FSD2: variants seen among roughly 807,000 people sequenced by gnomAD.
The protein encoded by FSD2 is fibronectin type III and SPRY domain containing 2.
A neutral mutation model predicts 80.4 loss-of-function variants in FSD2; 71 were observed. That is an observed-to-expected ratio of 0.88 (90% CI 0.73 to 1.08). FSD2 has a LOEUF of 1.08. Among genes scored for constraint, FSD2 ranks in the 50% least tolerant of loss-of-function variants. FSD2 has a pLI of 0.00. For missense variants in FSD2, 923 were observed against 913.8 expected, an observed-to-expected ratio of 1.01 and a Z score of -0.13; for synonymous variants, 361 against 329.5, an observed-to-expected ratio of 1.10 and a Z score of -1.03.
chr15:82,782,892 C>G lies in FSD2; in HGVS notation c.869G>C (p.Gly290Ala). ...KKKEKLEALY[G>A]QLVSCGENLD... ...GTTTTCTCCACAGCTGACCAGTTGT[C>G]CATATAAGGCTTCCAGCTTCTCTTT... Residue 290 changes from glycine to alanine, a missense_variant, in exon 4 of 13, where the codon GGA (glycine) becomes GCA (alanine). Gly to Ala is a moderately conservative substitution (Grantham distance 60). Coordinates refer to ENST00000334574, the MANE Select transcript of FSD2 (RefSeq NM_001007122.4). 9 of 1,613,896 alleles carry G rather than the reference C, an allele frequency of 5.6e-6. No individual in the cohort carries two copies. The highest frequency in any genetic ancestry group is 7.6e-6 in the Non-Finnish European group (9 of 1,179,796).
chr15:82,801,169 CT>C (rs1293302649), intron 1 of FSD2, among the ~76,000 whole-genome samples: 4 of 152,152 alleles, frequency 2.6e-5, no homozygotes, highest in African/African-American at 9.7e-5. Flanking sequence ...GATTCCTATC[CT>C]GGGAGATTAC....
chr15:82,765,936 G>A lies in FSD2; in HGVS notation c.1649C>T (p.Pro550Leu), dbSNP rs1354980952. The A allele has an allele frequency of 1.2e-6, 2 of 1,610,014 alleles. No homozygotes were observed. Among genetic ancestry groups the A allele is most frequent in the Middle Eastern group, 1.8e-4 (1 of 5,530 alleles). Residue 550 changes from proline to leucine, a missense_variant, in exon 10 of 13, where the codon CCC (proline) becomes CTC (leucine). Physicochemically the swap from Pro to Leu is moderately conservative, Grantham distance 98 (BLOSUM62 -3). Transcript: ENST00000334574. ...IYVRALNMGGPSVRSEPATVH... is the reference protein window; with the variant it reads ...IYVRALNMGGLSVRSEPATVH... ...TGTAGCTGGCTCGCTCCTCACGCTGGGGCCCCCCATATTGAGGGCTCGCAC... is the reference window on the plus strand; with the variant it reads ...TGTAGCTGGCTCGCTCCTCACGCTGAGGCCCCCCATATTGAGGGCTCGCAC...
intron 1 of FSD2, chr15:82,796,217 G>T (rs886441385): frequency 6.5e-6 from 1 of 153,538 alleles, no homozygotes; most frequent in African/African-American, 2.4e-5. Flanking sequence ...TGTCCAGGCT[G>T]GTCTCAAACT....
At chr15:82,791,229 AC>A (rs1343367328) in intron 1 of FSD2, among the ~76,000 whole-genome samples, 11 of 151,776 alleles carry the variant, frequency 7.2e-5, no homozygotes, top group African/African-American at 2.4e-4. Context: ...CGATCTCCTG[AC>A]CTTGTGGTCC....
In FSD2 at chr15:82,772,177, G is replaced by A; in HGVS notation, c.1163C>T (p.Ser388Phe). Reference protein sequence around the residue: ...NPQVPNSATGSSVRVCWSLYS... With the variant: ...NPQVPNSATGFSVRVCWSLYS... ...TAAGCTCCAGCACACTCGGACTGAG[G>A]AACCTGTGGCTGAGTTAGGGACCTG... is the stretch of plus-strand genomic sequence containing the variant. The change falls in exon 7 of 13, where the codon TCC (serine) becomes TTC (phenylalanine). Residue 388 changes from serine to phenylalanine, a missense_variant. Ser to Phe is a radical substitution (Grantham distance 155, BLOSUM62 -2). Transcript: ENST00000334574. The A allele has an allele frequency of 6.2e-7, 1 of 1,612,774 alleles. No homozygotes were observed. Among genetic ancestry groups the A allele is most frequent in the South Asian group, 1.1e-5 (1 of 90,630 alleles).
intron 11 of FSD2, among the ~76,000 whole-genome samples, chr15:82,763,169 T>C (rs1308654548): frequency 6.6e-6 from 1 of 152,158 alleles, no homozygotes; most frequent in Non-Finnish European, 1.5e-5. Flanking sequence ...ATTCAGAATG[T>C]CCCAAATGGA....
intron 1 of FSD2, among the ~76,000 whole-genome samples, chr15:82,793,289 C>T (rs576123123): frequency 1.3e-4 from 19 of 151,566 alleles, no homozygotes; most frequent in Admixed American, 7.9e-4. Context: ...TTAGTAGAGA[C>T]GGGGTTTCAC....
intron 4 of FSD2, among the ~76,000 whole-genome samples, chr15:82,782,109 C>T (rs1177388475): frequency 2.3e-5 from 2 of 86,008 alleles, no homozygotes; most frequent in Non-Finnish European, 4.8e-5. Flanking sequence ...AATAATAAAA[C>T]TCTTGGCCGG....
chr15:82,785,577 G>T (rs1379909298), intron 3 of FSD2, among the ~76,000 whole-genome samples: 2 of 152,084 alleles, frequency 1.3e-5, no homozygotes, highest in Non-Finnish European at 2.9e-5. Flanking sequence ...ACCCGCCTTG[G>T]CCTCCCAAAG....
chr15:82,784,994 A>G (rs2049960869), intron 3 of FSD2, among the ~76,000 whole-genome samples: 1 of 152,170 alleles, frequency 6.6e-6, no homozygotes, highest in Non-Finnish European at 1.5e-5. Context: ...GGAAAAGAAC[A>G]CTTACCAAAA....
chr15:82,777,885 T>G (rs1596243239), intron 6 of FSD2, among the ~76,000 whole-genome samples: 1 of 145,668 alleles, frequency 6.9e-6, no homozygotes, highest in African/African-American at 2.5e-5. Context: ...TAACAAATGG[T>G]GAGAATGTGG....
intron 4 of FSD2, among the ~76,000 whole-genome samples, chr15:82,780,783 A>T (rs2049837423): frequency 6.6e-6 from 1 of 152,066 alleles, no homozygotes; most frequent in Admixed American, 6.5e-5. Context: ...AACATAGAAG[A>T]AAACTTGGAA....
intron 1 of FSD2, 106 bp from the exon 2 acceptor site, chr15:82,787,574 G>A: frequency 1.9e-6 from 1 of 529,164 alleles, no homozygotes; most frequent in Non-Finnish European, 3.2e-6. Context: ...AATTATCTGT[G>A]TAGTTCAGTC....
In FSD2 at chr15:82,757,542, C is replaced by T. The variant is rs1044128699; in HGVS notation, c.*1806G>A. On this transcript the variant is annotated 3_prime_UTR_variant, in exon 13 of 13. Coordinates refer to ENST00000334574, the MANE Select transcript of FSD2 (RefSeq NM_001007122.4). Reference sequence around the variant, plus strand: ...AGAGACGGGGTTTCACCGTATTAGCCAGGATGGTCTCGATCTCCTGACCTT... The same window carrying T: ...AGAGACGGGGTTTCACCGTATTAGCTAGGATGGTCTCGATCTCCTGACCTT... 2.0e-5 allele frequency: 3 copies of T among 151,988 alleles called. No individual in the cohort carries two copies. Among genetic ancestry groups the T allele is most frequent in the Non-Finnish European group, 2.9e-5 (2 of 68,022 alleles). 9.4% of individuals were successfully genotyped at this position (151,988 alleles called of 1,614,324 possible). A position where few individuals can be genotyped will look rare whatever the true frequency, so the allele number is the denominator to read the frequency against.
chr15:82,776,874 A>G (rs1596242138), intron 6 of FSD2, among the ~76,000 whole-genome samples: 1 of 152,226 alleles, frequency 6.6e-6, no homozygotes, highest in African/African-American at 2.4e-5. Flanking sequence ...GTACAGGCAT[A>G]AGGACAGACA....
In FSD2 at chr15:82,758,873, G is replaced by A. The variant is rs760722167; in HGVS notation, c.*475C>T. On this transcript the variant is annotated 3_prime_UTR_variant, in exon 13 of 13. Coordinates refer to ENST00000334574, the MANE Select transcript of FSD2 (RefSeq NM_001007122.4). ...CAGTGCTGCTCACTATTGGGAAAAC[G>A]AGGGTAGAAGACATTGAGAAGGGCA... is the stretch of plus-strand genomic sequence containing the variant. 1.8e-5 allele frequency: 3 copies of A among 169,326 alleles called. No individual in the cohort carries two copies. The highest frequency in any genetic ancestry group is 1.5e-4 in the South Asian group (1 of 6,732). 10.5% of individuals were successfully genotyped at this position (169,326 alleles called of 1,614,324 possible). A position where few individuals can be genotyped will look rare whatever the true frequency, so the allele number is the denominator to read the frequency against.
chr15:82,781,826 G>C (rs1382988724), intron 4 of FSD2, among the ~76,000 whole-genome samples: 1 of 145,686 alleles, frequency 6.9e-6, no homozygotes, highest in East Asian at 2.1e-4. Context: ...TTGGGAGGCC[G>C]AGGCAGGTGG....
In FSD2 at chr15:82,772,214, C is replaced by T. The variant is rs1266198239; in HGVS notation, c.1126G>A (p.Val376Ile). The change falls in exon 7 of 13, where the codon GTC (valine) becomes ATC (isoleucine). Residue 376 changes from valine to isoleucine, a missense_variant. Coordinates refer to ENST00000334574, the MANE Select transcript of FSD2 (RefSeq NM_001007122.4). The part of the protein sequence containing the change: ...INTIPAPSAP[V>I]INPQVPNSAT... ...GAGTTAGGGACCTGTGGATTTATGA[C>T]TGGAGCAGAAGGAGCTAGGAAAAGA... The T allele has an allele frequency of 1.6e-5, 26 of 1,611,512 alleles. No homozygotes were observed. Among genetic ancestry groups the T allele is most frequent in the Non-Finnish European group, 2.2e-5 (26 of 1,178,998 alleles).
At chr15:82,801,354 T>C (rs571843302) in intron 1 of FSD2, among the ~76,000 whole-genome samples, 82 of 152,278 alleles carry the variant, frequency 5.4e-4, no homozygotes, top group African/African-American at 1.9e-3. Flanking sequence ...TCGAAATCCC[T>C]CACATTTCCC....
Sources: allele counts gnomAD v4.1 joint callset (sites outside exome capture counted in the v4.1 genomes callset), GRCh38; gene constraint gnomAD v4.1.1; transcripts MANE v1.5; gene names NCBI Gene and HGNC (gene_info 2026-07-23, HGNC 2026-07-21).